The following ABCB11 variants were observed in gnomAD, a reference collection of about 807,000 sequenced individuals.
The protein encoded by ABCB11 is bile salt export pump.
Under a neutral mutation model 148.0 loss-of-function variants are expected in ABCB11, and 95 were observed. That is an observed-to-expected ratio of 0.64 (90% CI 0.54 to 0.76). The LOEUF (loss-of-function observed/expected upper bound fraction) is 0.76. Ranked by LOEUF, ABCB11 falls within the 30% of genes least tolerant of loss-of-function variation. The pLI is 0.00. For missense variants in ABCB11, 1,523 were observed against 1,617.8 expected (o/e 0.94, Z 1.01); for synonymous variants, 591 against 555.4 (o/e 1.06, Z -0.90).
chr2:168,964,500 G>T (rs1423489746), intron 17 of ABCB11, among the ~76,000 whole-genome samples, 192 bp from the exon 18 acceptor site: 1 of 151,702 alleles, frequency 6.6e-6, no homozygotes, highest in Non-Finnish European at 1.5e-5. Flanking sequence ...CAGGTTGATT[G>T]CTCTGGGCCC....
At chr2:168,990,488 G>T (rs1049996187) in intron 9 of ABCB11, among the ~76,000 whole-genome samples, 1 of 152,038 alleles carries the variant, frequency 6.6e-6, no homozygotes, top group Non-Finnish European at 1.5e-5. Flanking sequence ...ACAGCAAACA[G>T]CATTATAGAC....
At chr2:168,982,779 C>A (rs573252285) in intron 10 of ABCB11, among the ~76,000 whole-genome samples, 3 of 150,876 alleles carry the variant, frequency 2.0e-5, no homozygotes, top group Non-Finnish European at 3.0e-5. Flanking sequence ...AGAGAGAGAG[C>A]GAGCGAGAGA....
chr2:168,919,186 ATCAG>A (rs71397674), downstream of ABCB11, among the ~76,000 whole-genome samples: 92,592 of 151,604 alleles, frequency 0.61, 28,673 homozygotes, highest in East Asian at 0.92. Flanking sequence ...TCTGCTTTAG[ATCAG>A]TATTAAGCTT....
chr2:168,946,791 G>T (rs560998616), intron 19 of ABCB11, among the ~76,000 whole-genome samples: 44 of 151,710 alleles, frequency 2.9e-4, no homozygotes, highest in African/African-American at 1.1e-3. Context: ...TACTAGATAA[G>T]AAAATGCCTG....
rs2105888866 is a variant in ABCB11, at chr2:168,930,854, G to A, written c.3222C>T (p.Phe1074=). The A allele has an allele frequency of 1.3e-6, 2 of 1,597,502 alleles. No homozygotes were observed. The highest frequency in any genetic ancestry group is 1.1e-5 in the South Asian group (1 of 88,294). The stretch of plus-strand genomic sequence containing the variant: ...AATCAACAAAATCAATCTTCCCCTG[G>A]AAGTTGTCCTGTGGATGGGAGGATC... The part of the protein sequence containing the change: ...YNTAGEKWDN[F]QGKIDFVDCK... Residue 1074 remains phenylalanine, a synonymous_variant, in exon 25 of 28, where the codon TTC becomes TTT. Transcript: ENST00000650372.
In ABCB11 at chr2:168,971,970, T is replaced by C. The variant is rs2105964102; in HGVS notation, c.1515A>G (p.Pro505=). ...CTGCAATGGTGGTAGAGAACAGAACTGGCTCTTGCTCCACTATCCCAATCT... is the reference window on the plus strand; with the variant it reads ...CTGCAATGGTGGTAGAGAACAGAACCGGCTCTTGCTCCACTATCCCAATCT... ...RDQIGIVEQE[P]VLFSTTIAEN... Residue 505 remains proline, a synonymous_variant, in exon 14 of 28, where the codon CCA becomes CCG. Transcript: ENST00000650372. 5.0e-6 allele frequency: 8 copies of C among 1,613,066 alleles called. No individual in the cohort carries two copies. The highest frequency in any genetic ancestry group is 5.9e-6 in the Non-Finnish European group (7 of 1,179,394).
intron 15 of ABCB11, 120 bp from the exon 16 acceptor site, chr2:168,969,671 T>C (rs940727851): frequency 6.0e-5 from 55 of 916,708 alleles, no homozygotes; most frequent in African/African-American, 1.3e-4. Context: ...TATTCTTAAA[T>C]AGGCTGTGCA....
chr2:168,958,051 C>T lies in ABCB11; in HGVS notation c.2256G>A (p.Trp752Ter), dbSNP rs1401892400. ...CCACAGACCCTACCAGCATGTAGGG[C>T]CATTCTGGAGCACTGAATTTCAGAA... is the stretch of plus-strand genomic sequence containing the variant. ...RRILKFSAPE[W>*]PYMLVGSVGA... Residue 752 changes from tryptophan (W) to a stop codon, truncating the protein, a stop_gained, in exon 19 of 28, where the codon TGG becomes TGA. Transcript: ENST00000650372. LOFTEE classifies it high-confidence loss of function. 6.2e-7 allele frequency: 1 copy of T among 1,611,140 alleles called. No homozygotes were observed. Among genetic ancestry groups the T allele is most frequent in the African/African-American group, 1.3e-5 (1 of 74,672 alleles).
chr2:168,996,997 C>A (rs1408357611), intron 5 of ABCB11, among the ~76,000 whole-genome samples: 1 of 151,758 alleles, frequency 6.6e-6, no homozygotes, highest in Non-Finnish European at 1.5e-5. Context: ...GGCAGAGATG[C>A]TAGGACTATG....
intron 5 of ABCB11, among the ~76,000 whole-genome samples, chr2:169,011,805 G>A (rs1695196516): frequency 6.6e-6 from 1 of 152,042 alleles, no homozygotes; most frequent in Admixed American, 6.6e-5. Context: ...GGGATGACAG[G>A]GGCACACCAC....
At chr2:168,947,742 A>T (rs972066432) in intron 19 of ABCB11, among the ~76,000 whole-genome samples, 11 of 151,714 alleles carry the variant, frequency 7.3e-5, no homozygotes, top group Non-Finnish European at 1.3e-4. Context: ...TCTCTTAGCA[A>T]ATATAACCCT....
intron 1 of ABCB11, among the ~76,000 whole-genome samples, chr2:169,021,076 C>T (rs1695524372): frequency 6.6e-6 from 1 of 151,938 alleles, no homozygotes; most frequent in Non-Finnish European, 1.5e-5. Context: ...GATTCTCCTG[C>T]CTCAGCCTCC....
intron 9 of ABCB11, among the ~76,000 whole-genome samples, chr2:168,987,992 T>G (rs896359795): frequency 5.3e-5 from 8 of 151,414 alleles, no homozygotes; most frequent in Admixed American, 4.6e-4. Flanking sequence ...ACTTATATTG[T>G]GTGTGTGTGT....
intron 23 of ABCB11, among the ~76,000 whole-genome samples, chr2:168,934,583 G>A (rs1194323657): frequency 6.6e-6 from 1 of 152,216 alleles, no homozygotes; most frequent in Admixed American, 6.5e-5. Flanking sequence ...AGTCAGTTGG[G>A]AGGAGTCAGC....
intron 21 of ABCB11, among the ~76,000 whole-genome samples, chr2:168,937,037 T>C (rs1280814065): frequency 1.3e-5 from 2 of 152,036 alleles, no homozygotes; most frequent in Non-Finnish European, 2.9e-5. Flanking sequence ...CACAGATGCA[T>C]GCCACTACAC....
Position 168,990,885 on chromosome 2 carries a change from G to A in ABCB11, c.824C>T (p.Ala275Val). 6.2e-7 allele frequency: 1 copy of A among 1,613,090 alleles called. No individual in the cohort carries two copies. Among genetic ancestry groups the A allele is most frequent in the Non-Finnish European group, 8.5e-7 (1 of 1,179,386 alleles). Residue 275 changes from alanine to valine, a missense_variant, in exon 9 of 28, where the codon GCC (alanine) becomes GTC (valine). By Grantham distance (64) the Ala-to-Val change is moderately conservative (BLOSUM62 0). Transcript: ENST00000650372. Reference protein sequence around the residue: ...KFTDYELKAYAKAGVVADEVI... With the variant: ...KFTDYELKAYVKAGVVADEVI... ...TTCATCAGCCACCACCCCTGCTTTG[G>A]CATAGGCCTTCAGCTCATAGTCCGT...
intron 10 of ABCB11, among the ~76,000 whole-genome samples, chr2:168,983,212 A>G (rs1356553980): frequency 6.6e-6 from 1 of 152,184 alleles, no homozygotes. Context: ...CTCTCCTTGT[A>G]GGCATGGAAC....
intron 19 of ABCB11, among the ~76,000 whole-genome samples, chr2:168,947,366 C>A (rs1313435474): frequency 1.3e-5 from 2 of 150,926 alleles, no homozygotes; most frequent in Non-Finnish European, 3.0e-5. Context: ...TTTTCCCCAG[C>A]ATGCTACATC....
intron 1 of ABCB11, among the ~76,000 whole-genome samples, chr2:169,025,046 TC>T (rs1159842454): frequency 6.6e-6 from 1 of 152,144 alleles, no homozygotes; most frequent in African/African-American, 2.4e-5. Context: ...ACAGAGAGAC[TC>T]TTTAATAATG....
Sources: gnomAD v4.1 joint callset for allele counts (sites outside exome capture counted in the v4.1 genomes callset) on GRCh38, gnomAD v4.1.1 for gene constraint, MANE v1.5 for transcripts, NCBI Gene and HGNC (gene_info 2026-07-23, HGNC 2026-07-21) for gene names.